GPLD1: variants seen among roughly 807,000 people sequenced by gnomAD.
The protein encoded by GPLD1 is phosphatidylinositol-glycan-specific phospholipase D.
GPLD1 carries 84 observed loss-of-function variants against 112.6 expected under a neutral mutation model. That is an observed-to-expected ratio of 0.75 (90% CI 0.63 to 0.89). The LOEUF (loss-of-function observed/expected upper bound fraction) is 0.89. Ranked by LOEUF, GPLD1 falls within the 40% of genes least tolerant of loss-of-function variation. GPLD1 has a pLI of 0.00. For synonymous variants in GPLD1, 386 were observed against 403.8 expected, an observed-to-expected ratio of 0.96 and a Z score of 0.53; for missense variants, 1,044 against 1,051.5, an observed-to-expected ratio of 0.99 and a Z score of 0.10.
At position 24,454,556 on chromosome 6, in the gene GPLD1, A is replaced by G. The variant is rs7764913; in HGVS notation, c.1149-355T>C. On this transcript the variant is annotated intron_variant, in intron 13 of 24. Coordinates refer to ENST00000230036, the MANE Select transcript of GPLD1 (RefSeq NM_001503.4). ...ATGTCCAGCCAAGCCCCTCTAGCCA[A>G]TGGCGCAGGCCACTTTCTGATCTGC... Among the ~76,000 whole-genome samples, 1,077 of 152,330 alleles carry G rather than the reference A, an allele frequency of 7.1e-3. 16 individuals carry two copies. Among genetic ancestry groups the G allele is most frequent in the African/African-American group, 0.023 (972 of 41,584 alleles).
chr6:24,461,404 T>C (rs184032890), intron 11 of GPLD1, among the ~76,000 whole-genome samples: 1 of 152,254 alleles, frequency 6.6e-6, no homozygotes, highest in Non-Finnish European at 1.5e-5. Flanking sequence ...ACACTTTCTG[T>C]GTAATTTTCA....
chr6:24,449,997 C>A, intron 14 of GPLD1, 98 bp from the exon 15 acceptor site: 2 of 728,472 alleles, frequency 2.7e-6, no homozygotes, highest in South Asian at 3.6e-5. Flanking sequence ...ACAACCCCCG[C>A]CCCCCGCCAC....
intron 10 of GPLD1, among the ~76,000 whole-genome samples, chr6:24,465,552 CAA>C (rs1002591449): frequency 2.2e-4 from 34 of 151,578 alleles, no homozygotes; most frequent in African/African-American, 8.2e-4. Context: ...AAACAAAAAA[CAA>C]AAACACATGT....
At chr6:24,487,620 A>G (rs903612464) in intron 1 of GPLD1, among the ~76,000 whole-genome samples, 5 of 152,222 alleles carry the variant, frequency 3.3e-5, no homozygotes, top group African/African-American at 1.2e-4. Flanking sequence ...TCAACTTCAC[A>G]GAACATAGAA....
intron 14 of GPLD1, among the ~76,000 whole-genome samples, chr6:24,453,615 G>C (rs1442737820): frequency 1.3e-5 from 2 of 152,122 alleles, no homozygotes; most frequent in African/African-American, 4.8e-5. Context: ...CAGCCTGGGT[G>C]ACAGAGCAAG....
At chr6:24,447,845 C>T (rs1298222254) in intron 17 of GPLD1, 32 bp downstream of exon 17, 9 of 1,609,980 alleles carry the variant, frequency 5.6e-6, no homozygotes, top group African/African-American at 1.3e-5. Context: ...ACAGAGCAGC[C>T]ATGGTCTCAC....
rs979141097 is a variant in GPLD1 at position 24,440,599 on chromosome 6, A to C, written c.2021-3310T>G. Among the ~76,000 whole-genome samples the C allele has an allele frequency of 1.5e-4, 21 of 142,346 alleles. No homozygotes were observed. The East Asian group carries it at 3.3e-3, about 22-fold the overall frequency. 93.4% of individuals were successfully genotyped at this position (142,346 alleles called of 152,430 possible). A position where few individuals can be genotyped will look rare whatever the true frequency, so the allele number is the denominator to read the frequency against. On this transcript the variant is annotated intron_variant, in intron 20 of 24. Transcript: ENST00000230036. ...AAATACTCAAAAAAAAAAAAAAAAGAAGCATAATCCAGGTGTTGTGGCACA... is the reference window on the plus strand; with the variant it reads ...AAATACTCAAAAAAAAAAAAAAAAGCAGCATAATCCAGGTGTTGTGGCACA...
At chr6:24,469,955 C>CA (rs911807012) in intron 7 of GPLD1, among the ~76,000 whole-genome samples, 5 of 151,948 alleles carry the variant, frequency 3.3e-5, no homozygotes, top group South Asian at 2.1e-4. Context: ...GACAAAATAA[C>CA]AAAAAATATT....
At chr6:24,430,368 T>C (rs1264735826) in intron 24 of GPLD1, among the ~76,000 whole-genome samples, 1 of 152,202 alleles carries the variant, frequency 6.6e-6, no homozygotes, top group South Asian at 2.1e-4. Context: ...TGACCTCGTT[T>C]GGCTCTTGGT....
intron 1 of GPLD1, chr6:24,494,752 A>T: frequency 2.8e-6 from 1 of 354,134 alleles, no homozygotes; most frequent in Non-Finnish European, 4.9e-6. Flanking sequence ...CTCCCCCGGG[A>T]GAAGGTCGCG....
Position 24,445,547 on chromosome 6 carries a change from G to C in GPLD1, c.2019C>G (p.Tyr673Ter). 1 of 1,605,258 alleles carries C rather than the reference G, an allele frequency of 6.2e-7. No individual in the cohort carries two copies. ...KQVLLVGAPT[Y>*]DDVSKVAFLT... ...ACAGTTTCACAGTGTGTGACCTACCGTACGTAGGGGCTCCAACCAGCAGCA... is the reference window on the plus strand; with the variant it reads ...ACAGTTTCACAGTGTGTGACCTACCCTACGTAGGGGCTCCAACCAGCAGCA... Residue 673 changes from tyrosine (Y) to a stop codon, truncating the protein, a stop_gained and splice_region_variant, in exon 20 of 25, where the codon TAC (tyrosine) becomes TAG (stop). Transcript: ENST00000230036. LOFTEE classifies it high-confidence loss of function.
Position 24,489,531 on chromosome 6 carries a change from T to TTC in GPLD1, c.-22_-21dup. On this transcript the variant is annotated 5_prime_UTR_variant, in exon 1 of 25. Transcript: ENST00000230036. ...AGACATGATCTCATTGCCCACCGGC[T>TTC]TCTCTGGTGACGTGGGAATGCTCAG... The TTC allele has an allele frequency of 1.2e-6, 2 of 1,613,780 alleles. No homozygotes were observed. The highest frequency in any genetic ancestry group is 2.2e-5 in the South Asian group (2 of 91,056).
chr6:24,443,113 C>A (rs992422558), intron 20 of GPLD1, among the ~76,000 whole-genome samples: 2 of 152,182 alleles, frequency 1.3e-5, no homozygotes, highest in African/African-American at 4.8e-5. Context: ...ACCGTCATCA[C>A]AGCAATTACT....
intron 2 of GPLD1, among the ~76,000 whole-genome samples, chr6:24,480,310 G>C (rs938120205): frequency 6.6e-6 from 1 of 151,424 alleles, no homozygotes; most frequent in African/African-American, 2.4e-5. Context: ...ACCCAGAGCT[G>C]TTGTTTTTGT....
At chr6:24,491,652 G>A (rs2127376399), upstream of GPLD1, among the ~76,000 whole-genome samples, 1 of 151,758 alleles carries the variant, frequency 6.6e-6, no homozygotes, top group African/African-American at 2.4e-5. Flanking sequence ...AGGTTGCAGT[G>A]AGCTGAGATC....
intron 12 of GPLD1, among the ~76,000 whole-genome samples, chr6:24,459,210 C>G (rs1410107691): frequency 6.6e-6 from 1 of 152,076 alleles, no homozygotes; most frequent in Non-Finnish European, 1.5e-5. Context: ...GAAGCCTTCT[C>G]TGTCTGATAG....
chr6:24,466,465 G>A (rs572559008), intron 10 of GPLD1, among the ~76,000 whole-genome samples: 4 of 152,300 alleles, frequency 2.6e-5, no homozygotes, highest in African/African-American at 4.8e-5. Context: ...TCTAAAACAC[G>A]AGCAGCATCA....
At chr6:24,432,928 C>T (rs1157890956) in intron 24 of GPLD1, among the ~76,000 whole-genome samples, 1 of 152,196 alleles carries the variant, frequency 6.6e-6, no homozygotes, top group Non-Finnish European at 1.5e-5. Flanking sequence ...CATGAGCTGA[C>T]TTTTTTAGTT....
intron 3 of GPLD1, among the ~76,000 whole-genome samples, chr6:24,478,736 C>CTCA (rs34977894): frequency 0.49 from 73,759 of 151,628 alleles, 18,515 homozygotes; most frequent in African/African-American, 0.59. Context: ...AGGTCCAGCT[C>CTCA]TCAAGTGGTC....
Sources: gnomAD v4.1 joint callset for allele counts (sites outside exome capture counted in the v4.1 genomes callset) on GRCh38, gnomAD v4.1.1 for gene constraint, MANE v1.5 for transcripts, NCBI Gene and HGNC (gene_info 2026-07-23, HGNC 2026-07-21) for gene names.